The following PCDHA11 variants were observed in gnomAD, a reference collection of about 807,000 sequenced individuals.
PCDHA11 encodes the protein protocadherin alpha 11.
PCDHA11 carries 61 observed loss-of-function variants against 70.3 expected under a neutral mutation model. The observed-to-expected ratio is 0.87, with a 90% CI of 0.71 to 1.07. PCDHA11 has a LOEUF of 1.07. Ranked by LOEUF, PCDHA11 falls within the 50% of genes least tolerant of loss-of-function variation. The probability of loss-of-function intolerance (pLI) is 0.00; values close to 1 mark genes in which losing one functional copy is unlikely to be tolerated. For missense variants in PCDHA11, 1,324 were observed against 1,237.5 expected (o/e 1.07, Z -1.05); for synonymous variants, 633 against 555.1 (o/e 1.14, Z -1.97).
chr5:140,972,660 A>ATTTT (rs11350929), intron 1 of PCDHA11, among the ~76,000 whole-genome samples: 3 of 117,268 alleles, frequency 2.6e-5, no homozygotes, highest in Admixed American at 9.2e-5. Context: ...AAGAAACCAA[A>ATTTT]TTTTTTTTTT....
chr5:140,942,280 C>T (rs1157451404), intron 1 of PCDHA11, among the ~76,000 whole-genome samples: 6 of 152,030 alleles, frequency 3.9e-5, no homozygotes, highest in African/African-American at 1.5e-4. Context: ...AATGGTGGCT[C>T]ATGCCTGTAA....
In PCDHA11 at chr5:141,010,299, T is replaced by G; in HGVS notation, c.*362T>G. ...TCTTGATGACACTTGCAGGGCAGGCTGAAAAGTTTTGAGATTGAGCAGCTT... is the reference window on the plus strand; with the variant it reads ...TCTTGATGACACTTGCAGGGCAGGCGGAAAAGTTTTGAGATTGAGCAGCTT... On this transcript the variant is annotated 3_prime_UTR_variant, in exon 4 of 4. Transcript: ENST00000398640. 6.5e-7 allele frequency: 1 copy of G among 1,549,016 alleles called. No homozygotes were observed. The highest frequency in any genetic ancestry group is 2.4e-5 in the East Asian group (1 of 40,892).
At chr5:140,893,119 C>T (rs2063831505) in intron 1 of PCDHA11, among the ~76,000 whole-genome samples, 1 of 152,174 alleles carries the variant, frequency 6.6e-6, no homozygotes, top group Admixed American at 6.5e-5. Context: ...TGTGCATATA[C>T]ACCACATTTT....
chr5:140,970,834 T>C lies in PCDHA11; in HGVS notation c.2392-8115T>C, dbSNP rs566411727. 8.6e-5 allele frequency among the ~76,000 whole-genome samples: 13 copies of C among 151,290 alleles called. No homozygotes were observed. The South Asian group carries it at 1.2e-3, about 14-fold the overall frequency. ...AAGTTCATGGTAATCTTGAGGAATG[T>C]AATGCACAGGCACAAAAGTTCCATT... On this transcript the variant is annotated intron_variant, in intron 1 of 3. Transcript: ENST00000398640.
intron 1 of PCDHA11, among the ~76,000 whole-genome samples, chr5:140,941,214 C>CCTTTCTTTCTTCCTTTCTTTCTTTCTTT (rs2092876516): frequency 4.1e-5 from 5 of 122,412 alleles, no homozygotes; most frequent in Non-Finnish European, 8.5e-5. Flanking sequence ...TTTCTTTCTT[C>CCTTTCTTTCTTCCTTTCTTTCTTTCTTT]CTTTCTTTCT....
intron 1 of PCDHA11, among the ~76,000 whole-genome samples, chr5:140,925,082 AAAGG>A (rs138596875): frequency 0.022 from 3,184 of 147,344 alleles, 79 homozygotes; most frequent in African/African-American, 0.064. Flanking sequence ...GCTCATCTGG[AAAGG>A]AAGGAAGGAA....
At chr5:140,971,987 G>A (rs1246433962) in intron 1 of PCDHA11, among the ~76,000 whole-genome samples, 1 of 152,086 alleles carries the variant, frequency 6.6e-6, no homozygotes, top group Non-Finnish European at 1.5e-5. Context: ...GTAGACAGAA[G>A]TTCCAATGTT....
chr5:140,942,588 A>G lies in PCDHA11; in HGVS notation c.2392-36361A>G, dbSNP rs1416575390. Among the ~76,000 whole-genome samples the G allele has an allele frequency of 2.0e-5, 3 of 149,704 alleles. No homozygotes were observed. The East Asian group carries it at 5.9e-4, about 29-fold the overall frequency. ...AAAATCTTCCCATATAGGATGTCAC[A>G]TATAATTATAGTGTTTATATTTGCC... On this transcript the variant is annotated intron_variant, in intron 1 of 3. Transcript: ENST00000398640.
At chr5:140,895,968 G>A (rs190056652) in intron 1 of PCDHA11, among the ~76,000 whole-genome samples, 2 of 151,938 alleles carry the variant, frequency 1.3e-5, no homozygotes, top group African/African-American at 2.4e-5. Context: ...CTGTCACCAG[G>A]CCTAGCTAAT....
At chr5:140,966,809 C>T (rs1335148442) in intron 1 of PCDHA11, 5 of 1,547,376 alleles carry the variant, frequency 3.2e-6, no homozygotes, top group African/African-American at 1.4e-5. Flanking sequence ...AGAGCATCCA[C>T]GGCTCCGGCG....
chr5:140,952,948 A>AG (rs1177459807), intron 1 of PCDHA11, among the ~76,000 whole-genome samples: 39 of 152,028 alleles, frequency 2.6e-4, no homozygotes, highest in African/African-American at 8.5e-4. Context: ...GAGAGAGAGA[A>AG]GGGGGAAGTG....
At chr5:140,952,057 C>T (rs1214818651) in intron 1 of PCDHA11, among the ~76,000 whole-genome samples, 1 of 152,164 alleles carries the variant, frequency 6.6e-6, no homozygotes, top group Non-Finnish European at 1.5e-5. Flanking sequence ...AATCTTAAAG[C>T]TCCAAATAAT....
chr5:140,948,573 G>A (rs892818051), intron 1 of PCDHA11, among the ~76,000 whole-genome samples: 1 of 151,448 alleles, frequency 6.6e-6, no homozygotes, highest in Non-Finnish European at 1.5e-5. Flanking sequence ...ATTTTTTAAA[G>A]GATTTGTCAG....
intron 1 of PCDHA11, among the ~76,000 whole-genome samples, chr5:140,956,511 T>C (rs1293826895): frequency 1.3e-5 from 2 of 152,218 alleles, no homozygotes. Flanking sequence ...TACTTGATCA[T>C]GGTGAATAAG....
At chr5:140,992,017 CTGTGTGTGTGTGTG>C (rs10602499) in intron 3 of PCDHA11, among the ~76,000 whole-genome samples, 7 of 145,626 alleles carry the variant, frequency 4.8e-5, no homozygotes, top group East Asian at 2.0e-4. Context: ...AGAGGTGGCT[CTGTGTGTGTGTGTG>C]TGTGTGTGTG....
intron 3 of PCDHA11, among the ~76,000 whole-genome samples, chr5:140,985,928 C>G (rs1001132600): frequency 9.9e-5 from 15 of 151,534 alleles, no homozygotes; most frequent in Non-Finnish European, 1.3e-4. Context: ...TTTAGTAGAG[C>G]CGGGGTTTCA....
chr5:140,925,952 ACTG>A (rs1295981015), intron 1 of PCDHA11, among the ~76,000 whole-genome samples: 1 of 151,952 alleles, frequency 6.6e-6, no homozygotes, highest in Non-Finnish European at 1.5e-5. Flanking sequence ...AGAAGGAGAA[ACTG>A]CTATCACGCA....
rs149739125 is a variant in PCDHA11, at chr5:140,954,248, C to T, written c.2392-24701C>T. 1.2e-3 allele frequency among the ~76,000 whole-genome samples: 179 copies of T among 152,316 alleles called. 1 individual carries two copies. The highest frequency in any genetic ancestry group is 4.0e-3 in the African/African-American group (166 of 41,572). ...TGAATAGTGCTGCAATGAACATACACATGCAGGTATCTTTATAATAGGATG... is the reference window on the plus strand; with the variant it reads ...TGAATAGTGCTGCAATGAACATACATATGCAGGTATCTTTATAATAGGATG... On this transcript the variant is annotated intron_variant, in intron 1 of 3. Coordinates refer to ENST00000398640, the MANE Select transcript of PCDHA11 (RefSeq NM_018902.5).
rs543488933 is a variant in PCDHA11, at chr5:140,915,492, A to G, written c.2391+43998A>G. The stretch of plus-strand genomic sequence containing the variant: ...TGAAGGAGCTTGGGCCTCAATCCCA[A>G]TAATACTGTGGTTTTTGCAGACTAG... On this transcript the variant is annotated intron_variant, in intron 1 of 3. Coordinates refer to ENST00000398640, the MANE Select transcript of PCDHA11 (RefSeq NM_018902.5). 2.0e-5 allele frequency among the ~76,000 whole-genome samples: 3 copies of G among 152,232 alleles called. No homozygotes were observed. The South Asian group carries it at 6.2e-4, about 32-fold the overall frequency.
Sources: gnomAD v4.1 joint callset for allele counts (sites outside exome capture counted in the v4.1 genomes callset) on GRCh38, gnomAD v4.1.1 for gene constraint, MANE v1.5 for transcripts, NCBI Gene and HGNC (gene_info 2026-07-23, HGNC 2026-07-21) for gene names.